HS3ST4: variants seen among roughly 807,000 people sequenced by gnomAD.
HS3ST4 encodes the protein heparan sulfate-glucosamine 3-sulfotransferase 4, also known as heparan sulfate glucosamine 3-O-sulfotransferase 4.
HS3ST4 carries 17 observed loss-of-function variants against 29.2 expected under a neutral mutation model. The ratio of observed to expected loss-of-function variants is 0.58; its 90% CI spans 0.40 to 0.87. The LOEUF (loss-of-function observed/expected upper bound fraction) is 0.87, where lower values mean the gene tolerates loss of function less well. Among genes scored for constraint, HS3ST4 ranks in the 40% least tolerant of loss-of-function variants. The probability of loss-of-function intolerance (pLI) is 0.00; values close to 1 mark genes in which losing one functional copy is unlikely to be tolerated. For missense variants in HS3ST4, 627 were observed against 634.5 expected (o/e 0.99, Z 0.13); for synonymous variants, 314 against 285.7 (o/e 1.10, Z -1.00).
chr16:25,994,730 A>T (rs1267120580), intron 1 of HS3ST4, among the ~76,000 whole-genome samples: 2 of 152,332 alleles, frequency 1.3e-5, no homozygotes, highest in African/African-American at 2.4e-5. Flanking sequence ...AACTAAAAAA[A>T]ATATATAAGT....
At chr16:25,941,922 G>A (rs1232983582) in intron 1 of HS3ST4, among the ~76,000 whole-genome samples, 1 of 152,144 alleles carries the variant, frequency 6.6e-6, no homozygotes, top group East Asian at 1.9e-4. Context: ...AATTCTGTGT[G>A]GGCAGGATCT....
intron 1 of HS3ST4, among the ~76,000 whole-genome samples, chr16:25,791,326 C>G (rs573276330): frequency 6.6e-6 from 1 of 151,980 alleles, no homozygotes; most frequent in Non-Finnish European, 1.5e-5. Flanking sequence ...AAGTCTAAGC[C>G]CTTTAGGTTT....
intron 1 of HS3ST4, among the ~76,000 whole-genome samples, chr16:26,010,051 GC>G (rs1969296575): frequency 6.6e-6 from 1 of 152,122 alleles, no homozygotes; most frequent in African/African-American, 2.4e-5. Flanking sequence ...TCTGGGCCAG[GC>G]CTAAGTCTAA....
chr16:26,110,175 C>T (rs1189144342), intron 1 of HS3ST4, among the ~76,000 whole-genome samples: 1 of 152,150 alleles, frequency 6.6e-6, no homozygotes, highest in Non-Finnish European at 1.5e-5. Flanking sequence ...GCTTATTTCA[C>T]TTAGCATAAT....
In HS3ST4 at chr16:26,105,756, C is replaced by T. The variant is rs546281442; in HGVS notation, c.735-29856C>T. Among the ~76,000 whole-genome samples, 10 of 152,364 alleles carry T rather than the reference C, an allele frequency of 6.6e-5. No individual in the cohort carries two copies. The East Asian group carries it at 1.7e-3, about 26-fold the overall frequency. On this transcript the variant is annotated intron_variant, in intron 1 of 1. Transcript: ENST00000331351. Reference sequence around the variant, plus strand: ...TGCACCTGCTATTTCCCCAGGCTTCCCCCATGGGGCTTGCTTTCTTACTTC... The same window carrying T: ...TGCACCTGCTATTTCCCCAGGCTTCTCCCATGGGGCTTGCTTTCTTACTTC...
In HS3ST4 at chr16:26,100,555, G is replaced by A. The variant is rs756499949; in HGVS notation, c.735-35057G>A. Among the ~76,000 whole-genome samples the A allele has an allele frequency of 1.0e-3, 158 of 152,096 alleles. 1 individual carries two copies. Among genetic ancestry groups the A allele is most frequent in the Non-Finnish European group, 4.1e-4 (28 of 68,020 alleles). ...GTTGCCCTAGTTTTTGAGGACTGCA[G>A]ACCTCATTGTGGTGTGTTTGAGTCA... On this transcript the variant is annotated intron_variant, in intron 1 of 1. Coordinates refer to ENST00000331351, the MANE Select transcript of HS3ST4 (RefSeq NM_006040.3).
At chr16:25,797,099 G>A (rs959781238) in intron 1 of HS3ST4, among the ~76,000 whole-genome samples, 6 of 152,104 alleles carry the variant, frequency 3.9e-5, no homozygotes, top group East Asian at 1.9e-4. Flanking sequence ...TTCTATAAAC[G>A]AAGTAACTGG....
chr16:25,911,496 GTT>G lies in HS3ST4; in HGVS notation c.734+218372_734+218373del, dbSNP rs542274531. Among the ~76,000 whole-genome samples, 242 of 81,974 alleles carry G rather than the reference GTT, an allele frequency of 3.0e-3. 3 individuals are homozygous for G. Among genetic ancestry groups the G allele is most frequent in the Non-Finnish European group, 3.7e-3 (163 of 43,988 alleles). The allele number at this position is 81,974 out of a possible 152,430, so 53.8% of individuals were successfully genotyped here. On this transcript the variant is annotated intron_variant, in intron 1 of 1. Coordinates refer to ENST00000331351, the MANE Select transcript of HS3ST4 (RefSeq NM_006040.3). ...GAGGGAGGTGGTGTTCCGTTGTGTG[GTT>G]TTTTTTTTTTTTTTTTTTTTTTTTT...
intron 1 of HS3ST4, among the ~76,000 whole-genome samples, chr16:25,733,506 C>T (rs149712108): frequency 6.6e-6 from 1 of 152,266 alleles, no homozygotes; most frequent in Non-Finnish European, 1.5e-5. Context: ...ACTCAATTAT[C>T]TTGGTTCAGA....
At chr16:25,928,242 G>A (rs1968428248) in intron 1 of HS3ST4, among the ~76,000 whole-genome samples, 3 of 151,000 alleles carry the variant, frequency 2.0e-5, no homozygotes, top group Non-Finnish European at 4.4e-5. Flanking sequence ...GCCTGTGCCT[G>A]TAGTTCCAGC....
intron 1 of HS3ST4, among the ~76,000 whole-genome samples, chr16:26,053,484 G>A (rs917260834): frequency 1.3e-5 from 2 of 152,162 alleles, no homozygotes; most frequent in African/African-American, 4.8e-5. Context: ...ACATCCTGAT[G>A]GAGAATTTCA....
chr16:26,058,908 G>A (rs1159926110), intron 1 of HS3ST4, among the ~76,000 whole-genome samples: 1 of 152,178 alleles, frequency 6.6e-6, no homozygotes, highest in East Asian at 1.9e-4. Flanking sequence ...TGTCAAGGAA[G>A]GATGATTTTT....
intron 1 of HS3ST4, among the ~76,000 whole-genome samples, chr16:25,713,161 T>TC (rs905892163): frequency 2.6e-5 from 4 of 152,120 alleles, no homozygotes; most frequent in African/African-American, 9.7e-5. Context: ...CAACCTGTCG[T>TC]CTAGGTTTTA....
At chr16:25,955,127 A>C (rs1228195550) in intron 1 of HS3ST4, among the ~76,000 whole-genome samples, 1 of 152,154 alleles carries the variant, frequency 6.6e-6, no homozygotes, top group Admixed American at 6.5e-5. Flanking sequence ...ACTCTGCTAC[A>C]TCCCTCCCTT....
At chr16:25,913,251 C>G (rs912911655) in intron 1 of HS3ST4, among the ~76,000 whole-genome samples, 1 of 152,222 alleles carries the variant, frequency 6.6e-6, no homozygotes, top group Admixed American at 6.5e-5. Context: ...AACTCATGTG[C>G]TGAAACCTAA....
chr16:25,738,796 TG>T, intron 1 of HS3ST4, among the ~76,000 whole-genome samples: 1 of 152,198 alleles, frequency 6.6e-6, no homozygotes, highest in East Asian at 1.9e-4. Flanking sequence ...CCAGCTTGTC[TG>T]TGTGTCTGTT....
At chr16:26,101,015 C>T (rs1056100372) in intron 1 of HS3ST4, among the ~76,000 whole-genome samples, 1 of 152,230 alleles carries the variant, frequency 6.6e-6, no homozygotes, top group Non-Finnish European at 1.5e-5. Context: ...TGCCCCGTTA[C>T]TAAAGCCCAG....
intron 1 of HS3ST4, among the ~76,000 whole-genome samples, chr16:25,743,725 C>T (rs978374087): frequency 5.9e-5 from 9 of 152,146 alleles, no homozygotes; most frequent in Admixed American, 2.6e-4. Context: ...AGGCTGGTCT[C>T]GTACTCTTGG....
At chr16:25,703,546 C>A (rs1596548122) in intron 1 of HS3ST4, among the ~76,000 whole-genome samples, 1 of 152,216 alleles carries the variant, frequency 6.6e-6, no homozygotes, top group African/African-American at 2.4e-5. Flanking sequence ...TACGTTCTTA[C>A]CTTTATTTGT....
Sources: allele counts gnomAD v4.1 joint callset (sites outside exome capture counted in the v4.1 genomes callset), GRCh38; gene constraint gnomAD v4.1.1; transcripts MANE v1.5; gene names NCBI Gene and HGNC (gene_info 2026-07-23, HGNC 2026-07-21).